Variants in AGBL1 observed in about 807,000 individuals in gnomAD.
AGBL1 encodes cytosolic carboxypeptidase 4.
AGBL1 carries 130 observed loss-of-function variants against 118.9 expected under a neutral mutation model. The observed-to-expected ratio is 1.09, with a 90% confidence interval of 0.95 to 1.26. AGBL1 has a LOEUF of 1.26. Among genes scored for constraint, AGBL1 ranks in the 50% most tolerant of loss-of-function variants. The probability of loss-of-function intolerance (pLI) is 0.00; values close to 1 mark genes in which losing one functional copy is unlikely to be tolerated. For synonymous variants in AGBL1, 555 were observed against 478.9 expected, an observed-to-expected ratio of 1.16 and a Z score of -2.08; for missense variants, 1,584 against 1,298.1, an observed-to-expected ratio of 1.22 and a Z score of -3.38.
intron 21 of AGBL1, among the ~76,000 whole-genome samples, chr15:86,667,254 G>GTATC (rs59244912): frequency 4.3e-5 from 6 of 139,476 alleles, no homozygotes; most frequent in African/African-American, 1.3e-4. Flanking sequence ...ATGTATGTAT[G>GTATC]TATCTATCTA....
intron 23 of AGBL1, among the ~76,000 whole-genome samples, chr15:86,943,620 G>A (rs551416207): frequency 4.1e-4 from 63 of 152,228 alleles, no homozygotes; most frequent in Middle Eastern, 3.4e-3. Flanking sequence ...TTCTCTACCC[G>A]GCCGGCACCA....
intron 17 of AGBL1, among the ~76,000 whole-genome samples, chr15:86,343,894 T>C (rs1240370391): frequency 1.3e-5 from 2 of 152,222 alleles, no homozygotes; most frequent in Non-Finnish European, 2.9e-5. Context: ...TGAAGGCCTC[T>C]GAGCTGCCTT....
At chr15:86,130,190 G>A (rs537342257) in intron 1 of AGBL1, among the ~76,000 whole-genome samples, 2 of 152,224 alleles carry the variant, frequency 1.3e-5, no homozygotes, top group East Asian at 3.9e-4. Context: ...TGAGTTTTCT[G>A]AGGGCACACC....
At chr15:86,640,969 ATT>A (rs59709098) in intron 21 of AGBL1, among the ~76,000 whole-genome samples, 14,574 of 150,698 alleles carry the variant, frequency 0.097, 1,588 homozygotes, top group African/African-American at 0.26. Flanking sequence ...ACTGAGGTTG[ATT>A]TTTTTTTTTA....
rs377307089 is a variant in AGBL1, at chr15:86,356,848, A to G, written c.2375-40518A>G. ...AAGGCGATGCAGATTCTCATTTTACATTTGAGTCAGCTGAGTCCCACAAGG... is the reference window on the plus strand; with the variant it reads ...AAGGCGATGCAGATTCTCATTTTACGTTTGAGTCAGCTGAGTCCCACAAGG... On this transcript the variant is annotated intron_variant, in intron 17 of 22. Transcript: ENST00000614907. 2.2e-4 allele frequency among the ~76,000 whole-genome samples: 33 copies of G among 152,322 alleles called. No individual in the cohort carries two copies. The South Asian group carries it at 6.8e-3, about 32-fold the overall frequency.
At chr15:86,113,021 C>A (rs970978718) in intron 1 of AGBL1, among the ~76,000 whole-genome samples, 2 of 152,010 alleles carry the variant, frequency 1.3e-5, no homozygotes, top group African/African-American at 4.8e-5. Flanking sequence ...AACATGCCTT[C>A]CACTGGAAAA....
At chr15:86,396,241 G>GTATATATATATATATATATATATATATA in intron 17 of AGBL1, among the ~76,000 whole-genome samples, 1 of 133,078 alleles carries the variant, frequency 7.5e-6, no homozygotes, top group Admixed American at 8.1e-5. Flanking sequence ...GTGTGTGTGT[G>GTATATATATATATATATATATATATATA]TGTATATATA....
At chr15:86,307,203 T>G (rs981153180) in intron 17 of AGBL1, among the ~76,000 whole-genome samples, 1 of 152,170 alleles carries the variant, frequency 6.6e-6, no homozygotes, top group African/African-American at 2.4e-5. Context: ...ATGTTTGTGA[T>G]TTTCATTTCT....
chr15:86,881,871 A>T (rs2079896610), intron 22 of AGBL1, among the ~76,000 whole-genome samples: 1 of 152,158 alleles, frequency 6.6e-6, no homozygotes, highest in Non-Finnish European at 1.5e-5. Context: ...AAATAAACAG[A>T]TCTCATGAGA....
intron 3 of AGBL1, among the ~76,000 whole-genome samples, chr15:86,148,084 G>T (rs140194547): frequency 8.5e-5 from 13 of 152,112 alleles, no homozygotes; most frequent in African/African-American, 2.9e-4. Context: ...GAATAGCATT[G>T]ATATCAACAA....
chr15:87,005,943 G>C (rs1458841431), intron 24 of AGBL1, among the ~76,000 whole-genome samples: 1 of 152,214 alleles, frequency 6.6e-6, no homozygotes, highest in Non-Finnish European at 1.5e-5. Flanking sequence ...GTCTGTTGGA[G>C]TTTGCTGGAG....
intron 21 of AGBL1, among the ~76,000 whole-genome samples, chr15:86,606,126 C>CAAATAAAAAAA (rs2084573502): frequency 1.0e-5 from 1 of 96,890 alleles, no homozygotes; most frequent in South Asian, 4.6e-4. Flanking sequence ...GACTCCATCT[C>CAAATAAAAAAA]AAAAAAAAAA....
At chr15:86,798,324 G>C (rs892538311) in intron 22 of AGBL1, among the ~76,000 whole-genome samples, 4 of 152,146 alleles carry the variant, frequency 2.6e-5, no homozygotes, top group African/African-American at 9.7e-5. Context: ...CATTAAGTGA[G>C]CTGGGACACA....
chr15:86,082,796 G>T (rs1452514026), intron 1 of AGBL1, among the ~76,000 whole-genome samples: 1 of 152,196 alleles, frequency 6.6e-6, no homozygotes, highest in East Asian at 1.9e-4. Context: ...GGCCTTTACA[G>T]CGTGGGTGTG....
Position 86,171,805 on chromosome 15 carries a change from C to A in AGBL1, c.488+12779C>A, listed in dbSNP as rs540493336. 2.0e-5 allele frequency among the ~76,000 whole-genome samples: 3 copies of A among 152,254 alleles called. No homozygotes were observed. The South Asian group carries it at 6.2e-4, about 32-fold the overall frequency. On this transcript the variant is annotated intron_variant, in intron 5 of 22. Coordinates refer to ENST00000614907, the MANE Select transcript of AGBL1 (RefSeq NM_001386094.1). ...AGAACCAGCCCAAATGCCCACCAATCAACAAATGGATAAAGAAATTGTGGT... is the reference window on the plus strand; with the variant it reads ...AGAACCAGCCCAAATGCCCACCAATAAACAAATGGATAAAGAAATTGTGGT...
chr15:86,563,739 T>C (rs559588367), intron 21 of AGBL1, among the ~76,000 whole-genome samples: 1 of 152,264 alleles, frequency 6.6e-6, no homozygotes, highest in Non-Finnish European at 1.5e-5. Flanking sequence ...GGTGTTAAAG[T>C]CTCCCATAAT....
intron 24 of AGBL1, among the ~76,000 whole-genome samples, chr15:87,006,417 G>A (rs750862996): frequency 2.6e-5 from 4 of 152,148 alleles, no homozygotes; most frequent in Non-Finnish European, 5.9e-5. Flanking sequence ...GAGCCTCGCT[G>A]CTGCCTTGCA....
chr15:86,626,453 T>C (rs1221727594), intron 21 of AGBL1, among the ~76,000 whole-genome samples: 1 of 152,114 alleles, frequency 6.6e-6, no homozygotes, highest in Non-Finnish European at 1.5e-5. Flanking sequence ...AAGTGGGAGC[T>C]AAATAGTGAG....
intron 1 of AGBL1, among the ~76,000 whole-genome samples, chr15:86,121,905 A>G (rs924800234): frequency 5.3e-5 from 8 of 152,226 alleles, no homozygotes; most frequent in African/African-American, 1.9e-4. Context: ...ATAAGATAAA[A>G]TGAAACAAAT....
Sources: allele counts gnomAD v4.1 joint callset (sites outside exome capture counted in the v4.1 genomes callset), GRCh38; gene constraint gnomAD v4.1.1; transcripts MANE v1.5; gene names NCBI Gene and HGNC (gene_info 2026-07-23, HGNC 2026-07-21).